Variants in FKRP observed in about 807,000 individuals in gnomAD.
The protein encoded by FKRP is fukutin related protein, also known as ribitol 5-phosphate transferase FKRP.
FKRP carries 25 observed loss-of-function variants against 30.6 expected under a neutral mutation model. The ratio of observed to expected loss-of-function variants is 0.82; its 90% CI spans 0.60 to 1.14. The LOEUF is 1.14. Ranked by LOEUF, FKRP falls within the 50% of genes most tolerant of loss-of-function variation. The pLI, the probability that FKRP is intolerant of heterozygous loss-of-function variation, is 0.00. For missense variants in FKRP, 771 were observed against 727.8 expected (o/e 1.06, Z -0.68); for synonymous variants, 358 against 342.5 (o/e 1.05, Z -0.50).
At chr19:46,753,592 A>G (rs1026328404) in intron 3 of FKRP, among the ~76,000 whole-genome samples, 1 of 151,896 alleles carries the variant, frequency 6.6e-6, no homozygotes, top group African/African-American at 2.4e-5. Flanking sequence ...TGTCAGAAGC[A>G]GCTTCCACTT....
At chr19:46,749,404 T>C (rs2054739680) in intron 3 of FKRP, among the ~76,000 whole-genome samples, 1 of 143,364 alleles carries the variant, frequency 7.0e-6, no homozygotes, top group Non-Finnish European at 1.5e-5. Flanking sequence ...TGTGCCTTTG[T>C]TTCCTTTTTT....
rs2054955175 is a variant in FKRP, at chr19:46,757,622, C to T, written c.*684C>T. On this transcript the variant is annotated 3_prime_UTR_variant, in exon 4 of 4. Transcript: ENST00000318584. ...CCCTGTGGGAGGCGGACAGCAGTGA[C>T]CACCTCCCCTTCTTTTGGACTGCGA... 1 of 169,968 alleles carries T rather than the reference C, an allele frequency of 5.9e-6. No individual in the cohort carries two copies. The highest frequency in any genetic ancestry group is 1.4e-5 in the Non-Finnish European group (1 of 70,104). The allele number at this position is 169,968 out of a possible 1,614,324, so 10.5% of individuals were successfully genotyped here.
intron 3 of FKRP, among the ~76,000 whole-genome samples, chr19:46,752,416 A>G (rs2054812058): frequency 6.6e-6 from 1 of 152,176 alleles, no homozygotes; most frequent in Non-Finnish European, 1.5e-5. Flanking sequence ...GGAGCTCCAC[A>G]AGGGCAGGAA....
chr19:46,754,182 G>C (rs951660086), intron 3 of FKRP: 1 of 151,950 alleles, frequency 6.6e-6, no homozygotes, highest in Non-Finnish European at 1.5e-5. Flanking sequence ...GGGACCATAG[G>C]TGAGTAGCAC....
chr19:46,745,022 C>T (rs1256684481), upstream of FKRP, among the ~76,000 whole-genome samples: 1 of 151,888 alleles, frequency 6.6e-6, no homozygotes. Flanking sequence ...ACAAACATAT[C>T]CCCTTCCCCC....
chr19:46,751,457 C>T (rs1292339017), intron 3 of FKRP, among the ~76,000 whole-genome samples: 1 of 152,078 alleles, frequency 6.6e-6, no homozygotes, highest in Non-Finnish European at 1.5e-5. Context: ...CAGCTCACTG[C>T]AGCCTCTGCC....
intron 3 of FKRP, among the ~76,000 whole-genome samples, chr19:46,755,207 AT>A (rs2054882989): frequency 1.4e-5 from 2 of 144,460 alleles, no homozygotes; most frequent in South Asian, 4.4e-4. Context: ...AAAAAAAAAA[AT>A]TCTGAGGACA....
chr19:46,745,552 C>A (rs2054568540), upstream of FKRP, among the ~76,000 whole-genome samples: 1 of 152,130 alleles, frequency 6.6e-6, no homozygotes, highest in South Asian at 2.1e-4. Flanking sequence ...CTTCCTCTCC[C>A]TAAATCCTCC....
upstream of FKRP, among the ~76,000 whole-genome samples, chr19:46,745,355 A>G (rs560231979): frequency 2.0e-5 from 3 of 152,182 alleles, no homozygotes; most frequent in Non-Finnish European, 1.5e-5. Flanking sequence ...TCCACTCCAA[A>G]GAACCCTTCC....
chr19:46,746,401 GACC>G, intron 1 of FKRP: 2 of 1,060,528 alleles, frequency 1.9e-6, no homozygotes. Flanking sequence ...CGGCGGCGGC[GACC>G]GCGGCGGCCG....
At chr19:46,748,387 A>T (rs1289939727) in intron 2 of FKRP, 128 bp from the exon 3 acceptor site, 1 of 152,012 alleles carries the variant, frequency 6.6e-6, no homozygotes, top group African/African-American at 2.4e-5. Context: ...CCTTGTTGGC[A>T]GGCTGGTCTC....
In FKRP at chr19:46,755,643, GAGC is replaced by G; in HGVS notation, c.194_196del (p.Glu65_Leu66delinsVal). On this transcript the variant is annotated inframe_deletion, in exon 4 of 4. Coordinates refer to ENST00000318584, the MANE Select transcript of FKRP (RefSeq NM_024301.5). ...CGAGGCATTTGACAACGCGGTGCCC[GAGC>G]TGGTAGACTCCTTCCTGCAGCAAGA... 6.3e-7 allele frequency: 1 copy of G among 1,598,990 alleles called. No homozygotes were observed. Among genetic ancestry groups the G allele is most frequent in the Non-Finnish European group, 8.5e-7 (1 of 1,177,722 alleles).
chr19:46,746,004 C>A (rs1005294505), upstream of FKRP: 252 of 1,077,744 alleles, frequency 2.3e-4, no homozygotes, highest in Non-Finnish European at 2.9e-4. Flanking sequence ...CCTCACTCGC[C>A]CTCCGGGACC....
rs1025118379 is a variant in FKRP at position 46,756,259 on chromosome 19, G to A, written c.809G>A (p.Arg270His). Reference sequence around the variant, plus strand: ...CGCGCTCGGCGGGCGGCGCTGCTCCGCGCGCTGGGCATCCGCCTAGTGAGC... The same window carrying A: ...CGCGCTCGGCGGGCGGCGCTGCTCCACGCGCTGGGCATCCGCCTAGTGAGC... ...EGRARRAALLRALGIRLVSWE... is the reference protein window; with the variant it reads ...EGRARRAALLHALGIRLVSWE... Residue 270 changes from arginine (R) to histidine (H), a missense_variant, in exon 4 of 4, where the codon CGC becomes CAC. Coordinates refer to ENST00000318584, the MANE Select transcript of FKRP (RefSeq NM_024301.5). The surrounding 1 kb of genome is among the most constrained non-coding windows in gnomAD (Gnocchi z 6.6). The A allele has an allele frequency of 2.7e-6, 4 of 1,489,258 alleles. No homozygotes were observed. The East Asian group carries it at 7.6e-5, about 28-fold the overall frequency. 92.3% of individuals were successfully genotyped at this position (1,489,258 alleles called of 1,614,324 possible).
Position 46,755,415 on chromosome 19 carries a change from GC to G in FKRP, c.-32del, listed in dbSNP as rs1207743147. On this transcript the variant is annotated 5_prime_UTR_variant, in exon 4 of 4. An upstream open reading frame in the 5' UTR loses its in-frame stop. Transcript: ENST00000318584. ...CCCTTTCGTCCCCCTCCCCCAGGAT[GC>G]CCCGGAGGCCCAGCTAGCCCCAGAC... is the stretch of plus-strand genomic sequence containing the variant. 1 of 1,578,680 alleles carries G rather than the reference GC, an allele frequency of 6.3e-7. No individual in the cohort carries two copies. Among genetic ancestry groups the G allele is most frequent in the South Asian group, 1.1e-5 (1 of 87,778 alleles).
intron 3 of FKRP, among the ~76,000 whole-genome samples, chr19:46,752,399 A>G (rs900949122): frequency 1.2e-4 from 18 of 152,196 alleles, no homozygotes; most frequent in African/African-American, 4.3e-4. Context: ...CTGCCCCTGC[A>G]CTAATGGGAG....
chr19:46,756,634 A>T lies in FKRP; in HGVS notation c.1184A>T (p.Glu395Val). ...GTGGATGAGCGCGGCTTCGTATGGG[A>T]GAAGGCGGTCGAGGGCGACTTTTTC... ...SVVDERGFVW[E>V]KAVEGDFFRV... is the part of the protein sequence containing the mutation. Residue 395 changes from glutamate (E) to valine (V), a missense_variant, in exon 4 of 4, where the codon GAG becomes GTG. Coordinates refer to ENST00000318584, the MANE Select transcript of FKRP (RefSeq NM_024301.5). This position sits in a 1 kb window ranked among gnomAD's most constrained non-coding sequence, Gnocchi z 6.6. The T allele has an allele frequency of 6.2e-7, 1 of 1,613,216 alleles. No individual in the cohort carries two copies. The highest frequency in any genetic ancestry group is 8.5e-7 in the Non-Finnish European group (1 of 1,179,768).
chr19:46,745,095 C>T (rs1172430418), upstream of FKRP, among the ~76,000 whole-genome samples: 2 of 150,208 alleles, frequency 1.3e-5, no homozygotes, highest in Admixed American at 1.3e-4. Flanking sequence ...CTACAAAATT[C>T]TCCCCCCTAA....
At chr19:46,750,065 T>C (rs1414991890) in intron 3 of FKRP, among the ~76,000 whole-genome samples, 1 of 152,064 alleles carries the variant, frequency 6.6e-6, no homozygotes. Context: ...AACAAGTGAA[T>C]ATGCCTAAAG....
Sources: gnomAD v4.1 joint callset for allele counts (sites outside exome capture counted in the v4.1 genomes callset) on GRCh38, gnomAD v4.1.1 for gene constraint, Gnocchi (gnomAD v3.1) non-coding constraint, MANE v1.5 for transcripts, NCBI Gene and HGNC (gene_info 2026-07-23, HGNC 2026-07-21) for gene names.